The following CCNY variants were observed in gnomAD, a reference collection of about 807,000 sequenced individuals.
CCNY encodes cyclin Y.
In CCNY, 19 loss-of-function variants were observed where a neutral mutation model predicts 42.8. The ratio of observed to expected loss-of-function variants is 0.44; its 90% confidence interval spans 0.31 to 0.65. The LOEUF (loss-of-function observed/expected upper bound fraction) is 0.65. Among genes scored for constraint, CCNY ranks in the 30% least tolerant of loss-of-function variants. The pLI is 0.07. For missense variants in CCNY, 370 were observed against 437.3 expected (o/e 0.85, Z 1.37); for synonymous variants, 165 against 162.7 (o/e 1.01, Z -0.11).
intron 1 of CCNY, among the ~76,000 whole-genome samples, chr10:35,364,999 C>G (rs1286245687): frequency 6.6e-6 from 1 of 152,172 alleles, no homozygotes; most frequent in Non-Finnish European, 1.5e-5. Context: ...TATCAGTAGG[C>G]TTAAACAAAT....
chr10:35,383,656 T>C (rs867644880), intron 1 of CCNY, among the ~76,000 whole-genome samples: 5 of 152,204 alleles, frequency 3.3e-5, no homozygotes, highest in Admixed American at 1.3e-4. Flanking sequence ...TGTTAGCTTA[T>C]CAATATTTTC....
At chr10:35,509,834 C>G (rs1418712404) in intron 3 of CCNY, among the ~76,000 whole-genome samples, 2 of 152,186 alleles carry the variant, frequency 1.3e-5, no homozygotes, top group African/African-American at 4.8e-5. Flanking sequence ...TCTTGAATTC[C>G]ACTCCACCCT....
At chr10:35,292,781 G>GTTTTTTTTTTTTT (rs71033391) in intron 3 of CCNY, among the ~76,000 whole-genome samples, 10 of 108,786 alleles carry the variant, frequency 9.2e-5, no homozygotes, top group South Asian at 3.2e-4. Context: ...CTTTGTTTTT[G>GTTTTTTTTTTTTT]TTTTTTTTTT....
At chr10:35,542,189 T>A (rs1841016167) in intron 7 of CCNY, among the ~76,000 whole-genome samples, 1 of 150,344 alleles carries the variant, frequency 6.7e-6, no homozygotes, top group African/African-American at 2.5e-5. Flanking sequence ...TTGTTTTTGA[T>A]GATCTTGACA....
At chr10:35,377,594 G>A (rs1837081720) in intron 1 of CCNY, among the ~76,000 whole-genome samples, 1 of 152,130 alleles carries the variant, frequency 6.6e-6, no homozygotes, top group African/African-American at 2.4e-5. Flanking sequence ...TGTCATTAAG[G>A]AAGCATGACT....
In CCNY at chr10:35,559,323, G is replaced by T. The variant is rs139522658; in HGVS notation, c.746+6138G>T. Among the ~76,000 whole-genome samples, 64 of 152,298 alleles carry T rather than the reference G, an allele frequency of 4.2e-4. No homozygotes were observed. The East Asian group carries it at 0.012, about 29-fold the overall frequency. ...GTGGAATGTTTAAGAAATGAATGTG[G>T]ATGTTTTAGCCAAGGAGATTTCCAT... On this transcript the variant is annotated intron_variant, in intron 8 of 9. Coordinates refer to ENST00000374704, the MANE Select transcript of CCNY (RefSeq NM_145012.6).
chr10:35,410,911 T>C (rs1837889207), intron 1 of CCNY, among the ~76,000 whole-genome samples: 1 of 152,186 alleles, frequency 6.6e-6, no homozygotes, highest in African/African-American at 2.4e-5. Flanking sequence ...CTTGGTGTTG[T>C]TGGATTTGGG....
chr10:35,303,732 G>C (rs1326486302), intron 3 of CCNY, among the ~76,000 whole-genome samples: 7 of 130,846 alleles, frequency 5.3e-5, no homozygotes, highest in Non-Finnish European at 9.3e-5. Context: ...AGCCGAGATC[G>C]TACCATTGCA....
chr10:35,374,501 G>A (rs977221372), intron 1 of CCNY, among the ~76,000 whole-genome samples: 1 of 152,168 alleles, frequency 6.6e-6, no homozygotes, highest in Non-Finnish European at 1.5e-5. Flanking sequence ...TTTTAGTGCT[G>A]TAAAATGTGT....
intron 3 of CCNY, among the ~76,000 whole-genome samples, chr10:35,330,867 C>T (rs1168713710): frequency 2.0e-5 from 3 of 152,210 alleles, no homozygotes; most frequent in African/African-American, 7.2e-5. Flanking sequence ...AGCAGTTCTC[C>T]CTCCTCAGCC....
At chr10:35,476,622 A>G (rs1186463043) in intron 1 of CCNY, among the ~76,000 whole-genome samples, 4 of 151,426 alleles carry the variant, frequency 2.6e-5, no homozygotes, top group Non-Finnish European at 4.4e-5. Flanking sequence ...AATCTCTGGG[A>G]CGCATTCAAA....
chr10:35,332,762 G>A (rs1835961367), upstream of CCNY, among the ~76,000 whole-genome samples: 1 of 152,014 alleles, frequency 6.6e-6, no homozygotes, highest in South Asian at 2.1e-4. Context: ...CCACCACCAC[G>A]CCTGGCTAAT....
intron 3 of CCNY, among the ~76,000 whole-genome samples, chr10:35,272,039 T>G (rs895327765): frequency 1.3e-5 from 2 of 152,078 alleles, no homozygotes; most frequent in African/African-American, 4.8e-5. Flanking sequence ...CAGGCTGGAG[T>G]GCAGTGGAGC....
intron 1 of CCNY, among the ~76,000 whole-genome samples, chr10:35,426,834 T>G (rs1463425830): frequency 6.6e-6 from 1 of 152,228 alleles, no homozygotes; most frequent in Non-Finnish European, 1.5e-5. Context: ...TGAAAGGACC[T>G]CTTGGTTTTG....
In CCNY at chr10:35,557,069, C is replaced by T. The variant is rs569486307; in HGVS notation, c.746+3884C>T. On this transcript the variant is annotated intron_variant, in intron 8 of 9. Transcript: ENST00000374704. Reference sequence around the variant, plus strand: ...CCATGTTGGCCAGGCTGGTCTCAAACTCCTGACCTTAGGTGATCTGCCCAC... The same window carrying T: ...CCATGTTGGCCAGGCTGGTCTCAAATTCCTGACCTTAGGTGATCTGCCCAC... Among the ~76,000 whole-genome samples the T allele has an allele frequency of 7.9e-5, 12 of 152,208 alleles. No individual in the cohort carries two copies. In the East Asian group the frequency reaches 2.3e-3, roughly 29 times the overall value.
intron 3 of CCNY, among the ~76,000 whole-genome samples, chr10:35,277,838 G>A (rs1835256649): frequency 6.6e-6 from 1 of 152,228 alleles, no homozygotes; most frequent in Middle Eastern, 3.4e-3. Context: ...AGAGACCTGG[G>A]TTTGGGCCTG....
At chr10:35,466,148 T>C (rs922644775) in intron 1 of CCNY, among the ~76,000 whole-genome samples, 3 of 152,054 alleles carry the variant, frequency 2.0e-5, no homozygotes, top group African/African-American at 7.2e-5. Flanking sequence ...GGGGCACACA[T>C]TCAAACCAGT....
At chr10:35,429,594 A>G (rs1025504623) in intron 1 of CCNY, among the ~76,000 whole-genome samples, 2 of 152,244 alleles carry the variant, frequency 1.3e-5, no homozygotes, top group South Asian at 4.1e-4. Context: ...TCTGTAAAAC[A>G]GGGAGAAAAT....
rs576490248 is a variant in CCNY, at chr10:35,310,560, G to C, written c.-9+59934G>C. On this transcript the variant is annotated intron_variant, in intron 3 of 11. Transcript: ENST00000374706. Reference sequence around the variant, plus strand: ...TCCCCTTTCCCTGTATCCTCACCAAGATTTGTTATTTTTTGTCTTTTTGAC... The same window carrying C: ...TCCCCTTTCCCTGTATCCTCACCAACATTTGTTATTTTTTGTCTTTTTGAC... Among the ~76,000 whole-genome samples, 4 of 152,028 alleles carry C rather than the reference G, an allele frequency of 2.6e-5. No homozygotes were observed. The East Asian group carries it at 7.7e-4, about 29-fold the overall frequency.
Sources: gnomAD v4.1 joint callset for allele counts (sites outside exome capture counted in the v4.1 genomes callset) on GRCh38, gnomAD v4.1.1 for gene constraint, MANE v1.5 for transcripts, NCBI Gene and HGNC (gene_info 2026-07-23, HGNC 2026-07-21) for gene names.